The following GPN1 variants were observed in gnomAD, a reference collection of about 807,000 sequenced individuals.
GPN1 encodes GPN-loop GTPase 1.
GPN1 carries 44 observed loss-of-function variants against 55.9 expected under a neutral mutation model. The ratio of observed to expected loss-of-function variants is 0.79; its 90% CI spans 0.62 to 1.01. GPN1 has a LOEUF of 1.01. GPN1 is among the 50% of genes least tolerant of loss of function. The pLI is 0.00. For missense variants in GPN1, 466 were observed against 462.8 expected (o/e 1.01, Z -0.06); for synonymous variants, 179 against 162.5 (o/e 1.10, Z -0.77).
chr2:27,647,033 A>C (rs1000555549), intron 12 of GPN1, among the ~76,000 whole-genome samples: 7 of 151,920 alleles, frequency 4.6e-5, no homozygotes, highest in Non-Finnish European at 1.5e-5. Flanking sequence ...TCATTTGAGG[A>C]AAGTCACAAG....
In GPN1 at chr2:27,634,908, T is replaced by C. The variant is rs778030973; in HGVS notation, c.413T>C (p.Ile138Thr). The C allele has an allele frequency of 1.3e-6, 2 of 1,594,672 alleles. No homozygotes were observed. The highest frequency in any genetic ancestry group is 1.7e-6 in the Non-Finnish European group (2 of 1,162,186). The change falls in exon 6 of 14, where the codon ATT (isoleucine) becomes ACT (threonine). Residue 138 changes from isoleucine to threonine, a missense_variant. Transcript: ENST00000610189. The part of the protein sequence containing the change: ...EVFTWSASGT[I>T]ITEALASSFP... The stretch of plus-strand genomic sequence containing the variant: ...TTCACCTGGTCAGCTTCTGGGACAA[T>C]TATCACTGAAGCCCTTGTGAGTATT...
Position 27,630,311 on chromosome 2 carries a change from G to A in GPN1, c.205+359G>A, listed in dbSNP as rs1261861511. Among the ~76,000 whole-genome samples, 3 of 150,904 alleles carry A rather than the reference G, an allele frequency of 2.0e-5. No individual in the cohort carries two copies. In the East Asian group the frequency reaches 5.8e-4, roughly 29 times the overall value. On this transcript the variant is annotated intron_variant, in intron 2 of 13. Transcript: ENST00000610189. ...AGCCTCCAGCCTGCCAGTCTTCAGTGCCTTCTTTTTTCATGTTTTCTAAAC... is the reference window on the plus strand; with the variant it reads ...AGCCTCCAGCCTGCCAGTCTTCAGTACCTTCTTTTTTCATGTTTTCTAAAC...
At chr2:27,631,975 T>G (rs1673573185) in intron 4 of GPN1, 75 bp downstream of exon 4, 3 of 881,032 alleles carry the variant, frequency 3.4e-6, no homozygotes, top group Admixed American at 3.4e-5. Flanking sequence ...TTGATCACAT[T>G]GGTAAAGAAG....
At chr2:27,647,993 C>T (rs757431269) in intron 13 of GPN1, 50 bp downstream of exon 13, 1 of 1,007,458 alleles carries the variant, frequency 9.9e-7, no homozygotes, top group Non-Finnish European at 1.6e-6. Flanking sequence ...TGCTTATCCT[C>T]ACATTGTTTG....
intron 11 of GPN1, 119 bp downstream of exon 11, chr2:27,641,398 T>C (rs1009404935): frequency 7.7e-6 from 5 of 652,876 alleles, no homozygotes; most frequent in Admixed American, 2.9e-5. Context: ...ATTAAAAAAG[T>C]TTTTTTTGTA....
chr2:27,639,909 C>T, intron 9 of GPN1, 134 bp from the exon 10 acceptor site: 4 of 697,256 alleles, frequency 5.7e-6, no homozygotes, highest in South Asian at 1.8e-5. Context: ...CTTTTTTAGC[C>T]TGGCTTTTTG....
At chr2:27,642,844 C>T (rs1215099845) in intron 12 of GPN1, among the ~76,000 whole-genome samples, 2 of 152,030 alleles carry the variant, frequency 1.3e-5, no homozygotes, top group East Asian at 3.9e-4. Flanking sequence ...GGATTACAGG[C>T]ATGAGCCACT....
intron 13 of GPN1, 100 bp downstream of exon 13, chr2:27,648,043 T>C (rs777908353): frequency 8.6e-6 from 6 of 699,282 alleles, no homozygotes; most frequent in Non-Finnish European, 1.6e-5. Flanking sequence ...CCAGTAATAG[T>C]GGATAAAGGA....
chr2:27,633,366 A>G (rs1673621911), intron 5 of GPN1, among the ~76,000 whole-genome samples: 1 of 152,148 alleles, frequency 6.6e-6, no homozygotes, highest in East Asian at 1.9e-4. Context: ...AGTACAGTGT[A>G]GTGATCTCAG....
At position 27,650,301 on chromosome 2, in the gene GPN1, T is replaced by C. The variant is rs1406277971; in HGVS notation, c.*101T>C. On this transcript the variant is annotated 3_prime_UTR_variant, in exon 14 of 14. Coordinates refer to ENST00000610189, the MANE Select transcript of GPN1 (RefSeq NM_007266.4). ...CTGAACTGGGGGCTCCCATAAGGGA[T>C]AATTTTCCTCAGAGTAGCAAAGTTT... The C allele has an allele frequency of 1.6e-6, 1 of 639,450 alleles. No homozygotes were observed. Among genetic ancestry groups the C allele is most frequent in the East Asian group, 2.8e-5 (1 of 35,684 alleles). The allele number at this position is 639,450 out of a possible 1,614,324, so 39.6% of individuals were successfully genotyped here. A position where few individuals can be genotyped will look rare whatever the true frequency, so the allele number is the denominator to read the frequency against.
chr2:27,648,004 C>A, intron 13 of GPN1, 61 bp downstream of exon 13: 1 of 935,760 alleles, frequency 1.1e-6, no homozygotes, highest in Non-Finnish European at 1.8e-6. Flanking sequence ...ACATTGTTTG[C>A]CCAGGAGTTT....
At chr2:27,631,158 G>A (rs1673539537) in intron 3 of GPN1, 92 bp downstream of exon 3, 1 of 724,878 alleles carries the variant, frequency 1.4e-6, no homozygotes, top group Non-Finnish European at 2.5e-6. Context: ...CCTTTTCCTT[G>A]TGAAATATAC....
At chr2:27,642,958 T>TATATACACACACAC (rs10643705) in intron 12 of GPN1, among the ~76,000 whole-genome samples, 14 of 122,662 alleles carry the variant, frequency 1.1e-4, no homozygotes, top group South Asian at 2.8e-4. Context: ...TATATATATA[T>TATATACACACACAC]ACACACACAC....
intron 7 of GPN1, among the ~76,000 whole-genome samples, chr2:27,636,266 GA>G (rs1040703558): frequency 6.6e-6 from 1 of 152,160 alleles, no homozygotes; most frequent in Non-Finnish European, 1.5e-5. Flanking sequence ...ATTAGCAGAG[GA>G]AGGGCATGCC....
In GPN1 at chr2:27,641,241, G is replaced by T. The variant is rs1216889233; in HGVS notation, c.802G>T (p.Glu268Ter). 1 of 1,603,750 alleles carries T rather than the reference G, an allele frequency of 6.2e-7. No homozygotes were observed. Among genetic ancestry groups the T allele is most frequent in the South Asian group, 1.1e-5 (1 of 90,748 alleles). The change falls in exon 11 of 14, where the codon GAG (glutamate) becomes TAG (stop). Residue 268 changes from glutamate (E) to a stop codon, truncating the protein, a stop_gained and splice_region_variant. Coordinates refer to ENST00000610189, the MANE Select transcript of GPN1 (RefSeq NM_007266.4). LOFTEE classifies it high-confidence loss of function. Reference protein sequence around the residue: ...VTSAAEEYEREYRPEYERLKK... With the variant: ...VTSAAEEYER Reference sequence around the variant, plus strand: ...TTTAGAAAGTGTTTCTCTTTACAGGGAGTATCGTCCTGAATATGAACGTCT... The same window carrying T: ...TTTAGAAAGTGTTTCTCTTTACAGGTAGTATCGTCCTGAATATGAACGTCT...
At chr2:27,629,343 G>A in intron 1 of GPN1, 174 bp downstream of exon 1, 2 of 1,534,386 alleles carry the variant, frequency 1.3e-6, no homozygotes, top group Non-Finnish European at 1.8e-6. Context: ...CCCTAGCCAG[G>A]TTAATTAAGG....
In GPN1 at chr2:27,634,775, G is replaced by T. The variant is rs1012828915; in HGVS notation, c.351-71G>T. 1.1e-5 allele frequency: 10 copies of T among 896,988 alleles called. No individual in the cohort carries two copies. The African/African-American group carries it at 1.1e-4, about 10-fold the overall frequency. The allele number at this position is 896,988 out of a possible 1,614,324, so 55.6% of individuals were successfully genotyped here. ...AGTCTTGGATAACCAGATGTTTATTGTCTTATATGATGGAATATCCTTCAG... is the reference window on the plus strand; with the variant it reads ...AGTCTTGGATAACCAGATGTTTATTTTCTTATATGATGGAATATCCTTCAG... On this transcript the variant is annotated intron_variant, in intron 5 of 13. Transcript: ENST00000610189.
upstream of GPN1, chr2:27,628,380 C>T: frequency 6.5e-7 from 1 of 1,549,316 alleles, no homozygotes; most frequent in Non-Finnish European, 8.7e-7. Context: ...AGCTCCCCTC[C>T]AGTACCTACT....
rs1674067262 is a variant in GPN1, at chr2:27,643,477, T to A, written c.931+958T>A. ...ATTTTATATAACCTCAGTGCAGTTA[T>A]CAGAAATCAGGAAATTAACATTGAC... On this transcript the variant is annotated intron_variant, in intron 12 of 13. Transcript: ENST00000610189. This position sits in a 1 kb window ranked among gnomAD's most constrained non-coding sequence, Gnocchi z 4.0. Among the ~76,000 whole-genome samples, 1 of 152,152 alleles carries A rather than the reference T, an allele frequency of 6.6e-6. No individual in the cohort carries two copies. Among genetic ancestry groups the A allele is most frequent in the Non-Finnish European group, 1.5e-5 (1 of 68,030 alleles).
Sources: gnomAD v4.1 joint callset for allele counts (sites outside exome capture counted in the v4.1 genomes callset) on GRCh38, gnomAD v4.1.1 for gene constraint, Gnocchi (gnomAD v3.1) non-coding constraint, MANE v1.5 for transcripts, NCBI Gene and HGNC (gene_info 2026-07-23, HGNC 2026-07-21) for gene names.